Variants in PACRG observed in about 807,000 individuals in gnomAD.
PACRG encodes parkin coregulated gene protein.
PACRG carries 29 observed loss-of-function variants against 29.7 expected under a neutral mutation model. The observed-to-expected ratio is 0.98, with a 90% confidence interval of 0.73 to 1.33. The LOEUF is 1.33. PACRG is among the 40% of genes most tolerant of loss of function. The pLI is 0.00. For missense variants in PACRG, 279 were observed against 316.2 expected, an observed-to-expected ratio of 0.88 and a Z score of 0.89; for synonymous variants, 116 against 118.7, an observed-to-expected ratio of 0.98 and a Z score of 0.15.
At chr6:163,146,020 A>G (rs1010535629) in intron 4 of PACRG, among the ~76,000 whole-genome samples, 5 of 152,222 alleles carry the variant, frequency 3.3e-5, no homozygotes, top group Non-Finnish European at 7.3e-5. Context: ...TTGTATAAGT[A>G]GCAGTCACAT....
At chr6:162,849,023 T>A (rs1326329355) in intron 2 of PACRG, among the ~76,000 whole-genome samples, 1 of 152,144 alleles carries the variant, frequency 6.6e-6, no homozygotes, top group Non-Finnish European at 1.5e-5. Context: ...TGCCAAATGG[T>A]AACTAAAGGT....
At chr6:162,926,862 A>T (rs1055156418) in intron 2 of PACRG, among the ~76,000 whole-genome samples, 1 of 152,230 alleles carries the variant, frequency 6.6e-6, no homozygotes, top group Non-Finnish European at 1.5e-5. Context: ...ATCAGAGCAA[A>T]CAGGCAACCT....
chr6:163,279,448 A>G (rs753955650), intron 4 of PACRG, among the ~76,000 whole-genome samples: 2 of 152,130 alleles, frequency 1.3e-5, no homozygotes, highest in South Asian at 2.1e-4. Flanking sequence ...TCTAGTATCT[A>G]TCTGTTTACC....
At chr6:163,065,568 G>T (rs1435257913) in intron 3 of PACRG, among the ~76,000 whole-genome samples, 1 of 152,080 alleles carries the variant, frequency 6.6e-6, no homozygotes. Context: ...GCCACAGGGG[G>T]CCATGGGAAA....
chr6:162,816,578 T>C (rs1356987345), intron 2 of PACRG, among the ~76,000 whole-genome samples: 2 of 152,170 alleles, frequency 1.3e-5, no homozygotes, highest in Non-Finnish European at 2.9e-5. Flanking sequence ...GGTCTCGATC[T>C]CCTGACCTCG....
chr6:162,853,907 T>C lies in PACRG; in HGVS notation c.291+39626T>C, dbSNP rs1791137898. On this transcript the variant is annotated intron_variant, in intron 2 of 4. Coordinates refer to ENST00000366888, the MANE Select transcript of PACRG (RefSeq NM_001080379.2). The surrounding 1 kb of genome is among the most constrained non-coding windows in gnomAD (Gnocchi z 4.7). ...AAAGATGAAATAAGACCATATATTC[T>C]TGAACTTAGAATATTGTTGGGTCCA... 6.6e-6 allele frequency among the ~76,000 whole-genome samples: 1 copy of C among 152,170 alleles called. No individual in the cohort carries two copies. Among genetic ancestry groups the C allele is most frequent in the Non-Finnish European group, 1.5e-5 (1 of 68,026 alleles).
In PACRG at chr6:162,749,981, C is replaced by A. The variant is rs925020229; in HGVS notation, c.156+21590C>A. 3.3e-5 allele frequency among the ~76,000 whole-genome samples: 5 copies of A among 152,094 alleles called. No individual in the cohort carries two copies. In the East Asian group the frequency reaches 9.7e-4, roughly 29 times the overall value. ...GTCATCAGATTATGAAAACCAAATCCCCATAATTTTTCCACTCATGTATAT... is the reference window on the plus strand; with the variant it reads ...GTCATCAGATTATGAAAACCAAATCACCATAATTTTTCCACTCATGTATAT... On this transcript the variant is annotated intron_variant, in intron 1 of 4. Coordinates refer to ENST00000366888, the MANE Select transcript of PACRG (RefSeq NM_001080379.2).
chr6:162,954,716 A>T (rs1423554422), intron 2 of PACRG, among the ~76,000 whole-genome samples: 1 of 152,206 alleles, frequency 6.6e-6, no homozygotes, highest in Non-Finnish European at 1.5e-5. Flanking sequence ...ATGAATGAAA[A>T]CCTCATGTCA....
chr6:162,770,944 TATA>T (rs950353577), intron 1 of PACRG, among the ~76,000 whole-genome samples: 9 of 152,188 alleles, frequency 5.9e-5, no homozygotes, highest in African/African-American at 2.2e-4. Context: ...GTCACGGTTT[TATA>T]TAAGGGATTT....
intron 2 of PACRG, among the ~76,000 whole-genome samples, chr6:163,014,999 C>T (rs549950438): frequency 6.6e-6 from 1 of 152,202 alleles, no homozygotes; most frequent in South Asian, 2.1e-4. Flanking sequence ...TTTAAATTCT[C>T]AATTCATCTT....
intron 3 of PACRG, among the ~76,000 whole-genome samples, chr6:163,087,613 C>A (rs1378883434): frequency 7.2e-6 from 1 of 137,972 alleles, no homozygotes; most frequent in African/African-American, 2.7e-5. Context: ...GGATGGAGAC[C>A]AGGAACAGAG....
chr6:162,975,419 G>A (rs1801867993), intron 2 of PACRG, among the ~76,000 whole-genome samples: 1 of 152,200 alleles, frequency 6.6e-6, no homozygotes, highest in African/African-American at 2.4e-5. Flanking sequence ...AATGCGACAA[G>A]AAAATTAATC....
chr6:163,101,770 C>T (rs1003761210), intron 4 of PACRG, among the ~76,000 whole-genome samples: 33 of 152,132 alleles, frequency 2.2e-4, no homozygotes, highest in African/African-American at 8.0e-4. Context: ...CTGCTCTCAC[C>T]GTAAGCCTGG....
rs61450135 is a variant in PACRG, at chr6:163,010,503, C to T, written c.292-51647C>T. 6.8e-3 allele frequency among the ~76,000 whole-genome samples: 1,034 copies of T among 152,256 alleles called. 13 individuals are homozygous for T. The highest frequency in any genetic ancestry group is 0.023 in the African/African-American group (974 of 41,542). On this transcript the variant is annotated intron_variant, in intron 2 of 4. Coordinates refer to ENST00000366888, the MANE Select transcript of PACRG (RefSeq NM_001080379.2). ...GTGCAGCCCCTGGCTCCTTTATAGACGGGCCCTGCCTGCCCCACCTCATTT... is the reference window on the plus strand; with the variant it reads ...GTGCAGCCCCTGGCTCCTTTATAGATGGGCCCTGCCTGCCCCACCTCATTT...
intron 2 of PACRG, among the ~76,000 whole-genome samples, chr6:162,905,172 A>G (rs903145209): frequency 2.6e-5 from 4 of 152,128 alleles, no homozygotes; most frequent in Non-Finnish European, 5.9e-5. Context: ...GGAGAAGGAA[A>G]TGTCTGCAAG....
chr6:163,312,317 G>A (rs1785453231), intron 4 of PACRG, among the ~76,000 whole-genome samples: 1 of 152,168 alleles, frequency 6.6e-6, no homozygotes, highest in Admixed American at 6.5e-5. Flanking sequence ...CACATTCTCT[G>A]CTGCTGACCT....
At chr6:163,080,463 C>T (rs566782014) in intron 3 of PACRG, among the ~76,000 whole-genome samples, 13 of 151,970 alleles carry the variant, frequency 8.6e-5, no homozygotes, top group Non-Finnish European at 1.5e-4. Flanking sequence ...CAGGCCCAAC[C>T]TGGGCAACAA....
In PACRG at chr6:162,728,045, C is replaced by A; in HGVS notation, c.-191C>A. ...GCCAAGGTCCTGCCCTCTTCCCGCC[C>A]CGCCCCTAGGGTCCAGCTCCCTTCA... On this transcript the variant is annotated 5_prime_UTR_variant, in exon 1 of 5. Transcript: ENST00000366888. 2.8e-6 allele frequency: 2 copies of A among 721,738 alleles called. No individual in the cohort carries two copies. Among genetic ancestry groups the A allele is most frequent in the South Asian group, 3.5e-5 (2 of 56,428 alleles). 44.7% of individuals were successfully genotyped at this position (721,738 alleles called of 1,614,324 possible).
intron 1 of PACRG, among the ~76,000 whole-genome samples, chr6:162,794,440 T>C (rs1785204590): frequency 6.6e-6 from 1 of 152,198 alleles, no homozygotes; most frequent in African/African-American, 2.4e-5. Flanking sequence ...TGAGCAATCA[T>C]TGTTAATGTG....
Sources: allele counts gnomAD v4.1 joint callset (sites outside exome capture counted in the v4.1 genomes callset), GRCh38; gene constraint gnomAD v4.1.1; non-coding constraint Gnocchi (gnomAD v3.1); transcripts MANE v1.5; gene names NCBI Gene and HGNC (gene_info 2026-07-23, HGNC 2026-07-21).